The following NOVA1 variants were observed in gnomAD, a reference collection of about 807,000 sequenced individuals.
NOVA1 encodes NOVA alternative splicing regulator 1.
In NOVA1, 7 loss-of-function variants were observed where a neutral mutation model predicts 38.0. The observed-to-expected ratio is 0.18, with a 90% CI of 0.10 to 0.35. The LOEUF is 0.35. Ranked by LOEUF, NOVA1 falls within the 10% of genes least tolerant of loss-of-function variation. The pLI is 1.00. For missense variants in NOVA1, 460 were observed against 616.0 expected (o/e 0.75, Z 2.68); for synonymous variants, 270 against 232.5 (o/e 1.16, Z -1.47).
chr14:26,536,797 A>T (rs1203641587), intron 2 of NOVA1, among the ~76,000 whole-genome samples: 2 of 152,152 alleles, frequency 1.3e-5, no homozygotes, highest in African/African-American at 4.8e-5. Flanking sequence ...CAAACATTCT[A>T]ATAGTTTTTC....
intron 3 of NOVA1, among the ~76,000 whole-genome samples, chr14:26,476,671 C>G (rs1885008639): frequency 6.6e-6 from 1 of 151,888 alleles, no homozygotes; most frequent in African/African-American, 2.4e-5. Context: ...TATTAACTGT[C>G]ACTCTGACCT....
chr14:26,514,396 T>C (rs896749953), intron 2 of NOVA1, among the ~76,000 whole-genome samples: 8 of 151,934 alleles, frequency 5.3e-5, no homozygotes, highest in African/African-American at 1.9e-4. Context: ...AATATTAATA[T>C]GAATGTTAAT....
At chr14:26,482,009 AAAAAAC>A (rs1250340999) in intron 2 of NOVA1, among the ~76,000 whole-genome samples, 2 of 111,260 alleles carry the variant, frequency 1.8e-5, no homozygotes, top group African/African-American at 5.4e-5. Context: ...AAAAAAAAAA[AAAAAAC>A]ATGGCTCTAA....
At chr14:26,510,170 C>T (rs1240959051) in intron 2 of NOVA1, among the ~76,000 whole-genome samples, 3 of 152,110 alleles carry the variant, frequency 2.0e-5, no homozygotes, top group Non-Finnish European at 2.9e-5. Flanking sequence ...ACGGTGGATT[C>T]ATTAAGTCAT....
chr14:26,585,612 A>G (rs1263275306), intron 2 of NOVA1, among the ~76,000 whole-genome samples: 1 of 151,336 alleles, frequency 6.6e-6, no homozygotes, highest in Admixed American at 6.6e-5. Flanking sequence ...AATAAACTAC[A>G]ATGTGATACA....
chr14:26,566,994 T>A (rs888221176), intron 2 of NOVA1, among the ~76,000 whole-genome samples: 1 of 152,158 alleles, frequency 6.6e-6, no homozygotes, highest in Non-Finnish European at 1.5e-5. Flanking sequence ...TGGAAATACC[T>A]TTTACATAGG....
intron 2 of NOVA1, among the ~76,000 whole-genome samples, chr14:26,506,015 C>G (rs1346579172): frequency 1.3e-5 from 2 of 151,966 alleles, no homozygotes; most frequent in Non-Finnish European, 2.9e-5. Flanking sequence ...AATTTAAAAA[C>G]CAGTTGTACA....
chr14:26,542,078 AT>A (rs899098678), intron 2 of NOVA1, among the ~76,000 whole-genome samples: 1 of 151,950 alleles, frequency 6.6e-6, no homozygotes, highest in Non-Finnish European at 1.5e-5. Flanking sequence ...CACCAGTCAT[AT>A]TGGTGCAAGT....
intron 3 of NOVA1, among the ~76,000 whole-genome samples, chr14:26,478,764 A>C (rs977553756): frequency 9.2e-5 from 14 of 151,950 alleles, no homozygotes; most frequent in Admixed American, 2.6e-4. Context: ...AGACTTATGA[A>C]GGGTATAAAC....
At chr14:26,529,981 G>A (rs557560526) in intron 2 of NOVA1, among the ~76,000 whole-genome samples, 1 of 152,052 alleles carries the variant, frequency 6.6e-6, no homozygotes, top group East Asian at 1.9e-4. Flanking sequence ...GAGCAGTGGC[G>A]CGATCTCGGC....
chr14:26,524,901 G>A (rs1466879781), intron 2 of NOVA1, among the ~76,000 whole-genome samples: 1 of 152,042 alleles, frequency 6.6e-6, no homozygotes, highest in Non-Finnish European at 1.5e-5. Flanking sequence ...TTACAATCTG[G>A]GTAGCAGTTT....
rs1891156519 is a variant in NOVA1 at position 26,551,479 on chromosome 14, A to T, written c.280+43931T>A. 2.0e-5 allele frequency among the ~76,000 whole-genome samples: 3 copies of T among 152,090 alleles called. No homozygotes were observed. The South Asian group carries it at 6.2e-4, about 31-fold the overall frequency. On this transcript the variant is annotated intron_variant, in intron 2 of 4. Coordinates refer to ENST00000539517, the MANE Select transcript of NOVA1 (RefSeq NM_002515.3). Reference sequence around the variant, plus strand: ...GCCATGTCTTCTAAAATAGATCGATATCACAAACTATGCATTTCTGCATTA... The same window carrying T: ...GCCATGTCTTCTAAAATAGATCGATTTCACAAACTATGCATTTCTGCATTA...
intron 2 of NOVA1, among the ~76,000 whole-genome samples, chr14:26,571,804 T>TGAGTA (rs1161089621): frequency 3.3e-5 from 5 of 152,322 alleles, no homozygotes; most frequent in Non-Finnish European, 7.3e-5. Flanking sequence ...AATAGAATAT[T>TGAGTA]ATTACAAGCC....
chr14:26,575,998 G>T (rs916772284), intron 2 of NOVA1, among the ~76,000 whole-genome samples: 3 of 151,826 alleles, frequency 2.0e-5, no homozygotes, highest in Non-Finnish European at 4.4e-5. Flanking sequence ...AGGCATAAAT[G>T]TACAGTATCT....
At chr14:26,527,358 T>G (rs1419695234) in intron 2 of NOVA1, among the ~76,000 whole-genome samples, 1 of 152,048 alleles carries the variant, frequency 6.6e-6, no homozygotes. Flanking sequence ...CATGGGAAAG[T>G]ACCCTTTGAG....
At chr14:26,497,751 A>T (rs1388346823) in intron 2 of NOVA1, among the ~76,000 whole-genome samples, 1 of 152,172 alleles carries the variant, frequency 6.6e-6, no homozygotes, top group Non-Finnish European at 1.5e-5. Context: ...GAACTAGTCA[A>T]GTAAGGAGTA....
At chr14:26,453,952 A>G (rs1361564696) in intron 4 of NOVA1, among the ~76,000 whole-genome samples, 1 of 152,146 alleles carries the variant, frequency 6.6e-6, no homozygotes, top group Non-Finnish European at 1.5e-5. Flanking sequence ...TTGGTATCCA[A>G]TCATTCTTCT....
chr14:26,586,902 A>G (rs531324596), intron 2 of NOVA1, among the ~76,000 whole-genome samples: 2 of 148,810 alleles, frequency 1.3e-5, no homozygotes, highest in Non-Finnish European at 3.0e-5. Context: ...CTGGGCCATC[A>G]TCTCAGTTTT....
At chr14:26,566,498 C>T (rs1892143069) in intron 2 of NOVA1, among the ~76,000 whole-genome samples, 1 of 152,060 alleles carries the variant, frequency 6.6e-6, no homozygotes, top group Admixed American at 6.6e-5. Flanking sequence ...AACATATACA[C>T]AGTGTGTTGA....
Sources: allele counts gnomAD v4.1 joint callset (sites outside exome capture counted in the v4.1 genomes callset), GRCh38; gene constraint gnomAD v4.1.1; transcripts MANE v1.5; gene names NCBI Gene and HGNC (gene_info 2026-07-23, HGNC 2026-07-21).